PARVG: variants seen among roughly 807,000 people sequenced by gnomAD.
The protein encoded by PARVG is parvin gamma, also known as gamma-parvin.
Under a neutral mutation model 44.4 loss-of-function variants are expected in PARVG, and 36 were observed. The ratio of observed to expected loss-of-function variants is 0.81; its 90% CI spans 0.62 to 1.07. The LOEUF (loss-of-function observed/expected upper bound fraction) is 1.07. Ranked by LOEUF, PARVG falls within the 50% of genes least tolerant of loss-of-function variation. PARVG has a pLI of 0.00. For synonymous variants in PARVG, 170 were observed against 174.1 expected (o/e 0.98, Z 0.19); for missense variants, 407 against 407.4 (o/e 1.00, Z 0.01).
At chr22:44,203,854 C>T (rs970615713) in intron 12 of PARVG, among the ~76,000 whole-genome samples, 39 of 152,270 alleles carry the variant, frequency 2.6e-4, no homozygotes, top group African/African-American at 9.4e-4. Flanking sequence ...AACATTGGTG[C>T]CGTGTGATAG....
At chr22:44,185,765 C>T (rs1282663907) in intron 3 of PARVG, 43 bp from the exon 4 acceptor site, 3 of 1,562,256 alleles carry the variant, frequency 1.9e-6, no homozygotes, top group Admixed American at 1.7e-5. Context: ...GCCAAGCGCC[C>T]CACAGGGTCC....
chr22:44,189,067 T>C, intron 5 of PARVG, 47 bp from the exon 6 acceptor site: 1 of 1,612,030 alleles, frequency 6.2e-7, no homozygotes, highest in East Asian at 2.2e-5. Flanking sequence ...AGGTGCTCTC[T>C]GGTCTGTCCC....
intron 6 of PARVG, among the ~76,000 whole-genome samples, chr22:44,189,472 C>A (rs2054519733): frequency 6.6e-6 from 1 of 152,242 alleles, no homozygotes; most frequent in African/African-American, 2.4e-5. Flanking sequence ...GAGGGTGTTA[C>A]TGCTGCAAAG....
intron 12 of PARVG, among the ~76,000 whole-genome samples, chr22:44,203,549 C>A (rs532315087): frequency 1.3e-5 from 2 of 152,200 alleles, no homozygotes; most frequent in Non-Finnish European, 2.9e-5. Flanking sequence ...AAAGGCGGAG[C>A]TTTGAGGCAG....
intron 4 of PARVG, chr22:44,186,444 G>A (rs1199130976): frequency 4.8e-6 from 2 of 413,156 alleles, no homozygotes; most frequent in Non-Finnish European, 1.0e-5. Context: ...TCTCCACATG[G>A]CCTCTCTGTT....
rs189502545 is a variant in PARVG, at chr22:44,185,992, G to A, written c.144+120G>A. 2,294 of 724,718 alleles carry A rather than the reference G, an allele frequency of 3.2e-3. 10 individuals carry two copies. Among genetic ancestry groups the A allele is most frequent in the Non-Finnish European group, 4.8e-3 (2,127 of 442,968 alleles). The allele number at this position is 724,718 out of a possible 1,614,324, so 44.9% of individuals were successfully genotyped here. A position where few individuals can be genotyped will look rare whatever the true frequency, so the allele number is the denominator to read the frequency against. ...CCTTGGCCTCAGGCTGGGGGGTGGCGACCCCCGAAGACCCCTGGAAGGCCT... is the reference window on the plus strand; with the variant it reads ...CCTTGGCCTCAGGCTGGGGGGTGGCAACCCCCGAAGACCCCTGGAAGGCCT... On this transcript the variant is annotated intron_variant, in intron 4 of 13. Coordinates refer to ENST00000444313, the MANE Select transcript of PARVG (RefSeq NM_022141.7).
chr22:44,198,244 A>G (rs182319184), intron 11 of PARVG, among the ~76,000 whole-genome samples: 15 of 152,304 alleles, frequency 9.8e-5, no homozygotes, highest in Admixed American at 9.8e-4. Context: ...AGAAATATTA[A>G]TGTGGCAGCC....
rs2054769921 is a variant in PARVG at position 44,205,617 on chromosome 22, G to T, written c.814-140G>T. On this transcript the variant is annotated intron_variant, in intron 12 of 13. Transcript: ENST00000444313. The stretch of plus-strand genomic sequence containing the variant: ...TGGATGACCACGGATTGTGGTCGTG[G>T]TCAGGGATGCCCACCTTGGATGGGA... The T allele has an allele frequency of 9.8e-6, 9 of 914,108 alleles. No individual in the cohort carries two copies. In the South Asian group the frequency reaches 1.2e-4, roughly 12 times the overall value. The allele number at this position is 914,108 out of a possible 1,614,324, so 56.6% of individuals were successfully genotyped here.
chr22:44,194,533 A>G (rs11912645), intron 9 of PARVG, among the ~76,000 whole-genome samples: 10,020 of 151,734 alleles, frequency 0.066, 1,142 homozygotes, highest in African/African-American at 0.23. Context: ...CCATCAACCC[A>G]TTCTTCCATT....
chr22:44,190,406 C>T (rs372095602), intron 6 of PARVG, 145 bp from the exon 7 acceptor site: 91 of 632,284 alleles, frequency 1.4e-4, no homozygotes, highest in East Asian at 8.7e-4. Context: ...GTTCTGAACA[C>T]GTATCTCCAG....
rs1339377687 is a variant in PARVG at position 44,206,680 on chromosome 22, A to C, written c.*254A>C. 1 of 485,586 alleles carries C rather than the reference A, an allele frequency of 2.1e-6. No homozygotes were observed. The highest frequency in any genetic ancestry group is 2.0e-5 in the African/African-American group (1 of 51,038). The allele number at this position is 485,586 out of a possible 1,614,324, so 30.1% of individuals were successfully genotyped here. On this transcript the variant is annotated 3_prime_UTR_variant, in exon 14 of 14. Transcript: ENST00000444313. ...ATTCTGGGAACTTGACAGGGTCCTG[A>C]GGAGGGCCCTTAAACCTGCAGCCTC...
chr22:44,196,458 T>G, intron 11 of PARVG, 43 bp downstream of exon 11: 1 of 1,607,306 alleles, frequency 6.2e-7, no homozygotes, highest in Non-Finnish European at 8.5e-7. Flanking sequence ...GCAGGGCCAC[T>G]GGCCGTAGGA....
At chr22:44,181,308 T>C in intron 1 of PARVG, 123 bp downstream of exon 1, 2 of 984,342 alleles carry the variant, frequency 2.0e-6, no homozygotes, top group Non-Finnish European at 2.4e-6. Flanking sequence ...CTCCGAGGGC[T>C]TGTGGGAGCC....
intron 11 of PARVG, 74 bp downstream of exon 11, chr22:44,196,489 C>T (rs1042137864): frequency 3.2e-6 from 5 of 1,543,026 alleles, no homozygotes; most frequent in Middle Eastern, 2.0e-4. Context: ...GTTCTGCAGG[C>T]CCTGGGAACC....
chr22:44,196,552 CG>C, intron 11 of PARVG, 137 bp downstream of exon 11: 1 of 1,030,952 alleles, frequency 9.7e-7, no homozygotes, highest in Non-Finnish European at 1.4e-6. Flanking sequence ...TCCCCCTCCC[CG>C]GTGGGACTGT....
At chr22:44,189,592 G>A (rs1168275498) in intron 6 of PARVG, among the ~76,000 whole-genome samples, 1 of 152,172 alleles carries the variant, frequency 6.6e-6, no homozygotes, top group Non-Finnish European at 1.5e-5. Flanking sequence ...TTAAAGTATT[G>A]GAATATCTGC....
chr22:44,204,134 C>T (rs201649740), intron 12 of PARVG, among the ~76,000 whole-genome samples: 5 of 152,138 alleles, frequency 3.3e-5, no homozygotes, highest in East Asian at 1.9e-4. Flanking sequence ...AATGAGCCAC[C>T]GTGCCTAGCC....
rs188138649 is a variant in PARVG, at chr22:44,188,242, C to A, written c.247+364C>A. 8.2e-5 allele frequency: 21 copies of A among 256,550 alleles called. No homozygotes were observed. The East Asian group carries it at 1.7e-3, about 20-fold the overall frequency. 15.9% of individuals were successfully genotyped at this position (256,550 alleles called of 1,614,324 possible). A position where few individuals can be genotyped will look rare whatever the true frequency, so the allele number is the denominator to read the frequency against. ...CCTAGGCTGCTAGAGAGAAAACGGG[C>A]AGTCCTGGGTGGCTGGGGGCAGGGC... On this transcript the variant is annotated intron_variant, in intron 5 of 13. Coordinates refer to ENST00000444313, the MANE Select transcript of PARVG (RefSeq NM_022141.7).
In PARVG at chr22:44,182,673, C is replaced by T. The variant is rs112197581; in HGVS notation, c.-12-645C>T. ...AAGAGGGAGGCCAGAAGGCGCCAGC[C>T]GAGCCAGCGAAGCCTTCACAGGAGA... is the stretch of plus-strand genomic sequence containing the variant. On this transcript the variant is annotated intron_variant, in intron 2 of 13. Coordinates refer to ENST00000444313, the MANE Select transcript of PARVG (RefSeq NM_022141.7). This position sits in a 1 kb window ranked among gnomAD's most constrained non-coding sequence, Gnocchi z 4.6. Among the ~76,000 whole-genome samples the T allele has an allele frequency of 1.3e-3, 203 of 152,300 alleles. No individual in the cohort carries two copies. The highest frequency in any genetic ancestry group is 4.5e-3 in the African/African-American group (187 of 41,568).
Sources: allele counts gnomAD v4.1 joint callset (sites outside exome capture counted in the v4.1 genomes callset), GRCh38; gene constraint gnomAD v4.1.1; non-coding constraint Gnocchi (gnomAD v3.1); transcripts MANE v1.5; gene names NCBI Gene and HGNC (gene_info 2026-07-23, HGNC 2026-07-21).